MIB1: variants seen among roughly 807,000 people sequenced by gnomAD.
MIB1 encodes E3 ubiquitin-protein ligase MIB1.
MIB1 carries 278 observed loss-of-function variants against 124.5 expected under a neutral mutation model. That is an observed-to-expected ratio of 2.23 (90% CI 2.02 to 2.47). The LOEUF (loss-of-function observed/expected upper bound fraction) is 2.47, where lower values mean the gene tolerates loss of function less well. Ranked by LOEUF, MIB1 falls within the 30% of genes most tolerant of loss-of-function variation. The probability of loss-of-function intolerance (pLI) is 0.00; values close to 1 mark genes in which losing one functional copy is unlikely to be tolerated. For synonymous variants in MIB1, 446 were observed against 429.4 expected (o/e 1.04, Z -0.48); for missense variants, 957 against 1,254.4 (o/e 0.76, Z 3.58).
chr18:21,826,994 ACTAGTTATATGGGAGCT>A (rs1237582567), intron 12 of MIB1: 2 of 152,102 alleles, frequency 1.3e-5, no homozygotes, highest in Non-Finnish European at 2.9e-5. Context: ...TTCTATTTTT[ACTAGTTATATGGGAGCT>A]GTTTAGCAGA....
chr18:21,823,999 T>C (rs968848639), intron 12 of MIB1, among the ~76,000 whole-genome samples: 4 of 152,200 alleles, frequency 2.6e-5, no homozygotes, highest in Non-Finnish European at 5.9e-5. Flanking sequence ...GCTGCATTTT[T>C]AGCTGTTTTT....
rs2042328831 is a variant in MIB1 at position 21,867,469 on chromosome 18, A to G, written c.*2803A>G. On this transcript the variant is annotated 3_prime_UTR_variant, in exon 21 of 21. Transcript: ENST00000261537. ...TTAACGTTCTTACTGCTTATACTATATACATATTTAATTTTGTTGGGAGCA... is the reference window on the plus strand; with the variant it reads ...TTAACGTTCTTACTGCTTATACTATGTACATATTTAATTTTGTTGGGAGCA... 6.6e-6 allele frequency: 1 copy of G among 152,568 alleles called. No individual in the cohort carries two copies. Among genetic ancestry groups the G allele is most frequent in the South Asian group, 2.1e-4 (1 of 4,832 alleles). 9.5% of individuals were successfully genotyped at this position (152,568 alleles called of 1,614,324 possible).
rs535676512 is a variant in MIB1, at chr18:21,848,969, G to A, written c.2394-227G>A. Among the ~76,000 whole-genome samples, 4 of 151,448 alleles carry A rather than the reference G, an allele frequency of 2.6e-5. No homozygotes were observed. The South Asian group carries it at 8.3e-4, about 32-fold the overall frequency. On this transcript the variant is annotated intron_variant, in intron 16 of 20. Coordinates refer to ENST00000261537, the MANE Select transcript of MIB1 (RefSeq NM_020774.4). ...TAGAAGATTCACCCTTTTCCATTGG[G>A]TGAGTGAGTGTTCAGTTTGAAGTTT...
intron 1 of MIB1, chr18:21,712,045 C>T: frequency 5.7e-6 from 1 of 176,366 alleles, no homozygotes; most frequent in Admixed American, 5.1e-5. Flanking sequence ...TCTGTGTACT[C>T]TGCTAGCATT....
At chr18:21,776,111 A>G (rs2041282089) in intron 4 of MIB1, among the ~76,000 whole-genome samples, 1 of 151,642 alleles carries the variant, frequency 6.6e-6, no homozygotes, top group Non-Finnish European at 1.5e-5. Flanking sequence ...TACAAACAAT[A>G]AAAAATGTTA....
At chr18:21,726,088 A>T (rs2040740792) in intron 1 of MIB1, among the ~76,000 whole-genome samples, 2 of 152,186 alleles carry the variant, frequency 1.3e-5, no homozygotes, top group Admixed American at 1.3e-4. Flanking sequence ...TTGAAAAAGA[A>T]TGGAAAAGAG....
At chr18:21,808,170 A>G (rs1382733789) in intron 10 of MIB1, among the ~76,000 whole-genome samples, 1 of 152,232 alleles carries the variant, frequency 6.6e-6, no homozygotes, top group African/African-American at 2.4e-5. Flanking sequence ...CTTTGGAGTT[A>G]GCAGAAGAAT....
At chr18:21,831,253 A>G (rs1213885704) in intron 12 of MIB1, 1 of 120,746 alleles carries the variant, frequency 8.3e-6, no homozygotes, top group African/African-American at 3.0e-5. Flanking sequence ...TCTTGCTTTT[A>G]GATTTTTTTT....
intron 1 of MIB1, among the ~76,000 whole-genome samples, chr18:21,759,252 T>C (rs1165739720): frequency 6.6e-6 from 1 of 151,420 alleles, no homozygotes. Flanking sequence ...TGTATATATA[T>C]ATTTTTTTGA....
At chr18:21,746,435 TAAC>T (rs2040913937) in intron 1 of MIB1, among the ~76,000 whole-genome samples, 1 of 152,226 alleles carries the variant, frequency 6.6e-6, no homozygotes, top group Admixed American at 6.5e-5. Context: ...TTGAGTGATA[TAAC>T]GTCTGTCTTG....
At chr18:21,720,418 T>G (rs2040709122) in intron 1 of MIB1, among the ~76,000 whole-genome samples, 1 of 152,076 alleles carries the variant, frequency 6.6e-6, no homozygotes, top group East Asian at 1.9e-4. Context: ...AGGGATGTAA[T>G]TAGGAAAATC....
At chr18:21,786,208 T>G (rs943541644) in intron 6 of MIB1, among the ~76,000 whole-genome samples, 24 of 152,066 alleles carry the variant, frequency 1.6e-4, no homozygotes, top group African/African-American at 5.8e-4. Flanking sequence ...ACCATTCTCC[T>G]GCCTCAGCCT....
intron 1 of MIB1, among the ~76,000 whole-genome samples, chr18:21,744,949 C>T (rs2040895905): frequency 6.6e-6 from 1 of 152,110 alleles, no homozygotes; most frequent in African/African-American, 2.4e-5. Flanking sequence ...TTGAGGATTT[C>T]CCTAGAGGTT....
At chr18:21,757,485 G>GT (rs2041047320) in intron 1 of MIB1, among the ~76,000 whole-genome samples, 1 of 102,324 alleles carries the variant, frequency 9.8e-6, no homozygotes, top group Non-Finnish European at 2.0e-5. Flanking sequence ...AAAAAAGACA[G>GT]TCTTTTTTTT....
At chr18:21,776,362 G>A (rs1384665593) in intron 4 of MIB1, among the ~76,000 whole-genome samples, 2 of 152,058 alleles carry the variant, frequency 1.3e-5, no homozygotes, top group Non-Finnish European at 2.9e-5. Context: ...TAAAAGAGTT[G>A]GGTACTGTGT....
chr18:21,759,271 T>C (rs559195396), intron 1 of MIB1, among the ~76,000 whole-genome samples: 2 of 151,828 alleles, frequency 1.3e-5, no homozygotes, highest in East Asian at 3.9e-4. Flanking sequence ...GAGACGGAGT[T>C]TGGCTTTGTA....
chr18:21,780,384 C>G (rs1029703637), intron 6 of MIB1, among the ~76,000 whole-genome samples: 6 of 152,176 alleles, frequency 3.9e-5, no homozygotes, highest in Non-Finnish European at 5.9e-5. Context: ...ACTCATCCCC[C>G]CCTTTCTCCT....
intron 1 of MIB1, among the ~76,000 whole-genome samples, chr18:21,734,295 C>T (rs541008327): frequency 4.6e-5 from 7 of 151,338 alleles, no homozygotes; most frequent in Admixed American, 1.3e-4. Flanking sequence ...TTATTAGAGA[C>T]GGGGTTTCAC....
intron 1 of MIB1, among the ~76,000 whole-genome samples, chr18:21,734,476 C>G (rs2040786447): frequency 1.4e-5 from 1 of 70,984 alleles, no homozygotes; most frequent in East Asian, 9.3e-4. Flanking sequence ...CTCTCTCTCT[C>G]TTTCTCTCTC....
Sources: gnomAD v4.1 joint callset for allele counts (sites outside exome capture counted in the v4.1 genomes callset) on GRCh38, gnomAD v4.1.1 for gene constraint, MANE v1.5 for transcripts, NCBI Gene and HGNC (gene_info 2026-07-23, HGNC 2026-07-21) for gene names.